The following GREB1 variants were observed in gnomAD, a reference collection of about 807,000 sequenced individuals.
GREB1 encodes growth regulating estrogen receptor binding 1.
GREB1 carries 106 observed loss-of-function variants against 200.7 expected under a neutral mutation model. The observed-to-expected ratio is 0.53, with a 90% CI of 0.45 to 0.62. GREB1 has a LOEUF of 0.62. Among genes scored for constraint, GREB1 ranks in the 20% least tolerant of loss-of-function variants. GREB1 has a pLI of 0.00. For synonymous variants in GREB1, 1,132 were observed against 1,092.4 expected (o/e 1.04, Z -0.72); for missense variants, 2,243 against 2,556.8 (o/e 0.88, Z 2.65).
chr2:11,607,040 C>T (rs1682369374), intron 17 of GREB1, among the ~76,000 whole-genome samples: 1 of 152,004 alleles, frequency 6.6e-6, no homozygotes, highest in African/African-American at 2.4e-5. Context: ...CATGGCCTCC[C>T]AAAGTGCTGG....
chr2:11,618,147 C>CG, intron 21 of GREB1, 141 bp from the exon 22 acceptor site: 1 of 567,604 alleles, frequency 1.8e-6, no homozygotes, highest in African/African-American at 2.4e-5. Context: ...ACTCCTGGGA[C>CG]AGGTCACTCC....
chr2:11,587,332 A>G (rs751839411), intron 9 of GREB1: 3 of 1,318,406 alleles, frequency 2.3e-6, no homozygotes, highest in Non-Finnish European at 3.3e-6. Flanking sequence ...GACAAATGTC[A>G]CATACTTGCC....
At chr2:11,601,254 GAGC>G (rs1218390502) in intron 16 of GREB1, among the ~76,000 whole-genome samples, 1 of 152,218 alleles carries the variant, frequency 6.6e-6, no homozygotes, top group Admixed American at 6.5e-5. Context: ...GCCGCTTTCT[GAGC>G]AGCATGTGGA....
intron 1 of GREB1, among the ~76,000 whole-genome samples, chr2:11,507,728 T>C (rs1362173292): frequency 6.6e-6 from 1 of 152,190 alleles, no homozygotes; most frequent in Non-Finnish European, 1.5e-5. Context: ...TGGGTGGAGC[T>C]GGTTGCCTGG....
chr2:11,533,571 A>G (rs562628596), upstream of GREB1, among the ~76,000 whole-genome samples: 17 of 152,334 alleles, frequency 1.1e-4, 1 homozygote, highest in South Asian at 2.3e-3. Context: ...TTCATTATTT[A>G]TGCTTGAATT....
At chr2:11,601,440 T>C (rs1391372212) in intron 16 of GREB1, among the ~76,000 whole-genome samples, 1 of 152,208 alleles carries the variant, frequency 6.6e-6, no homozygotes, top group Non-Finnish European at 1.5e-5. Flanking sequence ...TTCCTCAAAC[T>C]GAACACATAT....
At chr2:11,599,891 A>G (rs918585417) in intron 15 of GREB1, among the ~76,000 whole-genome samples, 2 of 152,140 alleles carry the variant, frequency 1.3e-5, no homozygotes, top group Admixed American at 6.5e-5. Context: ...TGAATTTCAG[A>G]TGGGCCAAGC....
intron 20 of GREB1, among the ~76,000 whole-genome samples, chr2:11,616,151 C>T (rs1385968778): frequency 6.6e-6 from 1 of 152,238 alleles, no homozygotes; most frequent in Non-Finnish European, 1.5e-5. Context: ...ACCCATAGCC[C>T]GCATTGCACT....
chr2:11,488,692 G>A (rs1277027581), intron 1 of GREB1, among the ~76,000 whole-genome samples: 1 of 151,448 alleles, frequency 6.6e-6, no homozygotes, highest in Non-Finnish European at 1.5e-5. Flanking sequence ...TTGGGAGGCT[G>A]AGGCAGGAGA....
chr2:11,588,901 C>A lies in GREB1; in HGVS notation c.1315C>A (p.Leu439Met). 1 of 1,614,188 alleles carries A rather than the reference C, an allele frequency of 6.2e-7. No individual in the cohort carries two copies. The change falls in exon 10 of 33, where the codon CTG (leucine) becomes ATG (methionine). Residue 439 changes from leucine (L) to methionine (M), a missense_variant. This residue lies in a region of GREB1 where 1,178 missense variants were observed against 1,387.4 expected (regional missense o/e 0.85). Transcript: ENST00000381486. ...IQPISEEMQLLLTVYYLVQLA... is the reference protein window; with the variant it reads ...IQPISEEMQLMLTVYYLVQLA... Reference sequence around the variant, plus strand: ...GCCCATCTCCGAGGAGATGCAGCTCCTGCTTACCGTCTACTACCTGGTCCA... The same window carrying A: ...GCCCATCTCCGAGGAGATGCAGCTCATGCTTACCGTCTACTACCTGGTCCA...
chr2:11,578,707 C>G (rs1324357830), intron 6 of GREB1, among the ~76,000 whole-genome samples: 1 of 152,158 alleles, frequency 6.6e-6, no homozygotes, highest in South Asian at 2.1e-4. Flanking sequence ...CCCACCCCAA[C>G]CCCCGCACAG....
intron 17 of GREB1, 67 bp downstream of exon 17, chr2:11,602,609 A>G: frequency 7.0e-7 from 1 of 1,425,128 alleles, no homozygotes; most frequent in Non-Finnish European, 9.9e-7. Flanking sequence ...AGGTGCGTTT[A>G]GCCAGCCAGG....
chr2:11,638,399 C>T (rs1406153345), intron 31 of GREB1, among the ~76,000 whole-genome samples: 1 of 152,164 alleles, frequency 6.6e-6, no homozygotes, highest in Non-Finnish European at 1.5e-5. Context: ...CCTCGGCCTC[C>T]CAAAATGCTG....
chr2:11,632,754 T>C (rs547653910), intron 27 of GREB1, 135 bp from the exon 28 acceptor site: 12 of 671,902 alleles, frequency 1.8e-5, no homozygotes, highest in Non-Finnish European at 2.9e-5. Context: ...GGCTGTGTTT[T>C]GTGACAGGTG....
intron 1 of GREB1, among the ~76,000 whole-genome samples, chr2:11,554,741 C>T (rs1676267470): frequency 6.6e-6 from 1 of 152,176 alleles, no homozygotes; most frequent in Non-Finnish European, 1.5e-5. Context: ...GATTGATTTC[C>T]TTTCATCCCT....
chr2:11,637,977 GC>G lies in GREB1; in HGVS notation c.5547+62del. ...TCAGAGAAATCTCTAGAACCAATGGGCTGGAATCTGGGACTCTGAATCCTAA... is the reference window on the plus strand; with the variant it reads ...TCAGAGAAATCTCTAGAACCAATGGGTGGAATCTGGGACTCTGAATCCTAA... On this transcript the variant is annotated intron_variant, in intron 31 of 32. Coordinates refer to ENST00000381486, the MANE Select transcript of GREB1 (RefSeq NM_014668.4). The G allele has an allele frequency of 5.0e-6, 7 of 1,401,340 alleles. No homozygotes were observed. The Admixed American group carries it at 1.2e-4, about 24-fold the overall frequency. The allele number at this position is 1,401,340 out of a possible 1,614,324, so 86.8% of individuals were successfully genotyped here. A position where few individuals can be genotyped will look rare whatever the true frequency, so the allele number is the denominator to read the frequency against.
intron 1 of GREB1, among the ~76,000 whole-genome samples, chr2:11,555,198 T>C (rs929149214): frequency 2.0e-5 from 3 of 152,130 alleles, no homozygotes; most frequent in African/African-American, 7.2e-5. Context: ...AAGAGAAATA[T>C]AACAAATAGC....
intron 20 of GREB1, 138 bp from the exon 21 acceptor site, chr2:11,616,493 G>A (rs925170469): frequency 1.4e-6 from 1 of 707,724 alleles, no homozygotes; most frequent in African/African-American, 1.7e-5. Flanking sequence ...CATGGTGGGG[G>A]CCTGGAAGAT....
intron 17 of GREB1, among the ~76,000 whole-genome samples, 184 bp from the exon 18 acceptor site, chr2:11,610,504 T>C (rs1405051893): frequency 2.0e-5 from 3 of 152,214 alleles, no homozygotes; most frequent in Non-Finnish European, 4.4e-5. Flanking sequence ...AACAAAGGAC[T>C]GTATAATTTG....
Sources: gnomAD v4.1 joint callset for allele counts (sites outside exome capture counted in the v4.1 genomes callset) on GRCh38, gnomAD v4.1.1 for gene constraint, gnomAD v4.1.1 regional missense constraint, MANE v1.5 for transcripts, NCBI Gene and HGNC (gene_info 2026-07-23, HGNC 2026-07-21) for gene names.